ADCY8: variants seen among roughly 807,000 people sequenced by gnomAD.
ADCY8 encodes adenylate cyclase 8, also known as adenylate cyclase type 8.
Under a neutral mutation model 119.7 loss-of-function variants are expected in ADCY8, and 51 were observed. The observed-to-expected ratio is 0.43, with a 90% CI of 0.34 to 0.54. ADCY8 has a LOEUF of 0.54. Ranked by LOEUF, ADCY8 falls within the 20% of genes least tolerant of loss-of-function variation. ADCY8 has a pLI of 0.03. For synonymous variants in ADCY8, 665 were observed against 651.0 expected (o/e 1.02, Z -0.33); for missense variants, 1,383 against 1,598.8 (o/e 0.87, Z 2.30).
At chr8:130,848,994 T>C (rs1242494947) in intron 10 of ADCY8, among the ~76,000 whole-genome samples, 1 of 152,190 alleles carries the variant, frequency 6.6e-6, no homozygotes, top group Non-Finnish European at 1.5e-5. Flanking sequence ...ATCCATTAAA[T>C]GGGGACAATA....
chr8:130,997,328 C>T (rs893169314), intron 1 of ADCY8, among the ~76,000 whole-genome samples: 3 of 151,922 alleles, frequency 2.0e-5, no homozygotes, highest in African/African-American at 7.3e-5. Flanking sequence ...TGTGTGTGTA[C>T]TGAAATAGGA....
rs145809062 is a variant in ADCY8, at chr8:130,780,840, G to A, written c.3306C>T (p.Gly1102=). 2.5e-5 allele frequency: 40 copies of A among 1,613,924 alleles called. No individual in the cohort carries two copies. The South Asian group carries it at 3.0e-4, about 12-fold the overall frequency. The change falls in exon 18 of 18, where the codon GGC becomes GGT. Residue 1102 remains glycine (G), a synonymous_variant. Coordinates refer to ENST00000286355, the MANE Select transcript of ADCY8 (RefSeq NM_001115.3). The part of the protein sequence containing the change: ...SHGSVVAGVI[G]AKKPQYDIWG... ...AAATGTCATACTGTGGTTTCTTAGCGCCGATAACGCCAGCTACCACTGAGC... is the reference window on the plus strand; with the variant it reads ...AAATGTCATACTGTGGTTTCTTAGCACCGATAACGCCAGCTACCACTGAGC...
chr8:131,002,337 C>T (rs1822974556), intron 1 of ADCY8, among the ~76,000 whole-genome samples: 1 of 152,064 alleles, frequency 6.6e-6, no homozygotes, highest in Admixed American at 6.6e-5. Flanking sequence ...GTGACTTGGT[C>T]GGGTATGTGT....
At chr8:130,951,710 T>A (rs535883827) in intron 3 of ADCY8, among the ~76,000 whole-genome samples, 158 bp downstream of exon 3, 255 of 152,282 alleles carry the variant, frequency 1.7e-3, no homozygotes, top group African/African-American at 5.7e-3. Flanking sequence ...TTTGGAAATG[T>A]AGAACTCTCT....
chr8:130,881,840 C>G (rs1354102995), intron 8 of ADCY8, among the ~76,000 whole-genome samples: 2 of 143,900 alleles, frequency 1.4e-5, no homozygotes, highest in Non-Finnish European at 3.0e-5. Context: ...AAATTAAATT[C>G]TCTGATAATT....
chr8:130,911,280 G>A (rs1010533161), intron 5 of ADCY8, among the ~76,000 whole-genome samples: 14 of 152,176 alleles, frequency 9.2e-5, no homozygotes, highest in African/African-American at 3.4e-4. Flanking sequence ...CCAAAGTTAT[G>A]TTATATCATC....
intron 2 of ADCY8, among the ~76,000 whole-genome samples, chr8:130,971,274 G>GT (rs1821915003): frequency 6.6e-6 from 1 of 152,172 alleles, no homozygotes; most frequent in Non-Finnish European, 1.5e-5. Context: ...TTATTTATAA[G>GT]TCAAAGTATT....
intron 8 of ADCY8, among the ~76,000 whole-genome samples, chr8:130,877,810 C>A (rs1272471930): frequency 6.6e-6 from 1 of 152,156 alleles, no homozygotes; most frequent in African/African-American, 2.4e-5. Context: ...GTGGTCACTG[C>A]TTGTGCTCCA....
At chr8:130,884,509 G>T in intron 8 of ADCY8, 55 bp downstream of exon 8, 1 of 1,582,536 alleles carries the variant, frequency 6.3e-7, no homozygotes, top group South Asian at 1.1e-5. Flanking sequence ...CTAGTCCCAT[G>T]AACATCTACC....
chr8:130,850,977 G>T (rs1376138941), intron 9 of ADCY8, among the ~76,000 whole-genome samples: 3 of 152,070 alleles, frequency 2.0e-5, no homozygotes, highest in African/African-American at 7.2e-5. Flanking sequence ...AAGATTCAAG[G>T]CTCAGAGGGA....
intron 2 of ADCY8, among the ~76,000 whole-genome samples, chr8:130,962,350 T>C (rs1276807771): frequency 6.6e-6 from 1 of 152,228 alleles, no homozygotes; most frequent in African/African-American, 2.4e-5. Context: ...GCGCAATATA[T>C]CCTTTTCTGG....
intron 7 of ADCY8, among the ~76,000 whole-genome samples, chr8:130,893,766 ATG>A (rs992880340): frequency 2.3e-5 from 3 of 128,474 alleles, no homozygotes; most frequent in African/African-American, 3.0e-5. Flanking sequence ...GTGCATGTTT[ATG>A]TGTGTGTGTT....
At chr8:130,819,179 G>A (rs1816433855) in intron 13 of ADCY8, among the ~76,000 whole-genome samples, 1 of 152,154 alleles carries the variant, frequency 6.6e-6, no homozygotes, top group South Asian at 2.1e-4. Flanking sequence ...GCTACTAAGT[G>A]GCAGAGTTGG....
chr8:130,803,188 G>A (rs1815836096), intron 14 of ADCY8, among the ~76,000 whole-genome samples: 1 of 152,094 alleles, frequency 6.6e-6, no homozygotes, highest in African/African-American at 2.4e-5. Flanking sequence ...TCTGTCCCTG[G>A]GTGGGAAATG....
At position 131,021,112 on chromosome 8, in the gene ADCY8, C is replaced by G. The variant is rs189391855; in HGVS notation, c.960+18262G>C. Among the ~76,000 whole-genome samples the G allele has an allele frequency of 1.0e-3, 157 of 152,196 alleles. 1 individual carries two copies. The highest frequency in any genetic ancestry group is 3.7e-3 in the African/African-American group (154 of 41,530). On this transcript the variant is annotated intron_variant, in intron 1 of 17. Coordinates refer to ENST00000286355, the MANE Select transcript of ADCY8 (RefSeq NM_001115.3). ...AATGTTAATTTATTGGATGATACAGCATGAGTATATTTTGCAGCCAATATT... is the reference window on the plus strand; with the variant it reads ...AATGTTAATTTATTGGATGATACAGGATGAGTATATTTTGCAGCCAATATT...
intron 9 of ADCY8, among the ~76,000 whole-genome samples, chr8:130,858,025 G>C (rs1341646213): frequency 1.3e-5 from 2 of 152,150 alleles, no homozygotes; most frequent in Admixed American, 1.3e-4. Flanking sequence ...TCTTTGGACA[G>C]TGGGAACTTC....
intron 7 of ADCY8, chr8:130,892,150 C>G (rs1399555401): frequency 1.3e-5 from 2 of 152,116 alleles, no homozygotes; most frequent in African/African-American, 4.8e-5. Context: ...TAACAGGGGT[C>G]AGAATGTCCA....
At position 130,787,086 on chromosome 8, in the gene ADCY8, G is replaced by A. The variant is rs936386811; in HGVS notation, c.3061-1611C>T. Among the ~76,000 whole-genome samples, 9 of 151,996 alleles carry A rather than the reference G, an allele frequency of 5.9e-5. 1 individual carries two copies. Among genetic ancestry groups the A allele is most frequent in the Non-Finnish European group, 7.4e-5 (5 of 68,026 alleles). ...GAAAAGAGCTGAGAGAGGTAGTGGG[G>A]GCCAGAACACACAAGGCCCTGGAGG... On this transcript the variant is annotated intron_variant, in intron 15 of 17. Coordinates refer to ENST00000286355, the MANE Select transcript of ADCY8 (RefSeq NM_001115.3).
intron 1 of ADCY8, among the ~76,000 whole-genome samples, chr8:130,993,630 G>T (rs1822672589): frequency 6.6e-6 from 1 of 152,184 alleles, no homozygotes; most frequent in African/African-American, 2.4e-5. Context: ...TAAGGTATCT[G>T]ATGGTTTTAT....
Sources: allele counts gnomAD v4.1 joint callset (sites outside exome capture counted in the v4.1 genomes callset), GRCh38; gene constraint gnomAD v4.1.1; transcripts MANE v1.5; gene names NCBI Gene and HGNC (gene_info 2026-07-23, HGNC 2026-07-21).